Variants in EP300 observed in about 807,000 individuals in gnomAD.
The protein encoded by EP300 is histone acetyltransferase p300.
A neutral mutation model predicts 264.0 loss-of-function variants in EP300; 31 were observed. The ratio of observed to expected loss-of-function variants is 0.12; its 90% CI spans 0.09 to 0.16. The LOEUF is 0.16. EP300 is among the 10% of genes least tolerant of loss of function. The pLI, the probability that EP300 is intolerant of heterozygous loss-of-function variation, is 1.00. For missense variants in EP300, 2,766 were observed against 3,052.9 expected (o/e 0.91, Z 2.21); for synonymous variants, 1,340 against 1,045.4 (o/e 1.28, Z -5.44).
chr22:41,139,504 T>C (rs2058970046), intron 8 of EP300, among the ~76,000 whole-genome samples: 1 of 152,210 alleles, frequency 6.6e-6, no homozygotes, highest in Admixed American at 6.5e-5. Context: ...TTATATCTTC[T>C]TGATCTGGTT....
chr22:41,132,692 T>C (rs946657598), intron 6 of EP300, among the ~76,000 whole-genome samples: 4 of 152,160 alleles, frequency 2.6e-5, no homozygotes, highest in East Asian at 1.9e-4. Context: ...CTGAAACATA[T>C]AGAAATGAGT....
At chr22:41,105,179 A>G (rs1174674720) in intron 1 of EP300, among the ~76,000 whole-genome samples, 1 of 112,382 alleles carries the variant, frequency 8.9e-6, no homozygotes, top group Non-Finnish European at 1.8e-5. Context: ...CCTAGGTGAC[A>G]GAGCGAGACT....
intron 9 of EP300, among the ~76,000 whole-genome samples, chr22:41,140,484 T>C (rs2058976131): frequency 6.6e-6 from 1 of 152,142 alleles, no homozygotes; most frequent in South Asian, 2.1e-4. Flanking sequence ...CATGTGGCAC[T>C]TTATCTGGTT....
At chr22:41,169,684 A>C in intron 26 of EP300, 68 bp downstream of exon 26, 1 of 881,652 alleles carries the variant, frequency 1.1e-6, no homozygotes, top group Non-Finnish European at 1.9e-6. Flanking sequence ...TATAGGTTAA[A>C]TATGCAAATA....
chr22:41,133,199 G>A (rs946180220), intron 6 of EP300, among the ~76,000 whole-genome samples: 1 of 121,956 alleles, frequency 8.2e-6, no homozygotes, highest in Non-Finnish European at 1.6e-5. Context: ...CTGTGTCACC[G>A]AGGCTGGAGT....
chr22:41,122,240 A>G (rs770013277), intron 2 of EP300, among the ~76,000 whole-genome samples: 32 of 130,924 alleles, frequency 2.4e-4, no homozygotes, highest in Non-Finnish European at 4.3e-4. Flanking sequence ...ATCTTGGCTC[A>G]TTGCAACCTC....
intron 23 of EP300, among the ~76,000 whole-genome samples, chr22:41,167,584 G>GTGTGTATA (rs869093144): frequency 4.4e-4 from 15 of 34,466 alleles, no homozygotes; most frequent in Non-Finnish European, 6.7e-4. Context: ...GTGTGTGTGT[G>GTGTGTATA]TATATATATA....
At chr22:41,093,798 C>T (rs1236628004) in intron 1 of EP300, among the ~76,000 whole-genome samples, 1 of 152,154 alleles carries the variant, frequency 6.6e-6, no homozygotes, top group Non-Finnish European at 1.5e-5. Flanking sequence ...GGGGCATGTT[C>T]TTTGCAGTTT....
chr22:41,128,372 A>G (rs2145711207), intron 4 of EP300, among the ~76,000 whole-genome samples: 1 of 151,866 alleles, frequency 6.6e-6, no homozygotes, highest in African/African-American at 2.4e-5. Flanking sequence ...AGGTGGGAGG[A>G]TGGCTTGAGC....
rs1342106234 is a variant in EP300, at chr22:41,145,501, A to G, written c.2054-1238A>G. Among the ~76,000 whole-genome samples, 7 of 152,236 alleles carry G rather than the reference A, an allele frequency of 4.6e-5. No homozygotes were observed. The East Asian group carries it at 1.3e-3, about 29-fold the overall frequency. On this transcript the variant is annotated intron_variant, in intron 10 of 30. Coordinates refer to ENST00000263253, the MANE Select transcript of EP300 (RefSeq NM_001429.4). ...GGTATGGCCAGGGTGGAGCCAGGTC[A>G]CTACAGACATCTGTCCTTTCCGAGG...
intron 30 of EP300, 107 bp from the exon 31 acceptor site, chr22:41,176,666 A>T: frequency 6.2e-7 from 1 of 1,610,644 alleles, no homozygotes. Context: ...TGAAGAGGCT[A>T]GTTTTTGTTC....
Position 41,178,225 on chromosome 22 carries a change from CACA to C in EP300, c.6518_6520del (p.Asn2173del). 1 of 1,614,068 alleles carries C rather than the reference CACA, an allele frequency of 6.2e-7. No individual in the cohort carries two copies. Among genetic ancestry groups the C allele is most frequent in the Non-Finnish European group, 8.5e-7 (1 of 1,180,004 alleles). ...CCAGGCTCAGCAGATGAACATGAAC[CACA>C]ACACCATGCCTTCACAATTCCGAGA... On this transcript the variant is annotated inframe_deletion, in exon 31 of 31. Transcript: ENST00000263253.
chr22:41,127,622 G>T lies in EP300; in HGVS notation c.1042G>T (p.Ala348Ser), dbSNP rs1569096089. 3 of 1,614,076 alleles carry T rather than the reference G, an allele frequency of 1.9e-6. No homozygotes were observed. The highest frequency in any genetic ancestry group is 1.3e-5 in the African/African-American group (1 of 74,938). The change falls in exon 4 of 31, where the codon GCT (alanine) becomes TCT (serine). Residue 348 changes from alanine (A) to serine (S), a missense_variant. Ala to Ser is a moderately conservative substitution (Grantham distance 99, BLOSUM62 1). Coordinates refer to ENST00000263253, the MANE Select transcript of EP300 (RefSeq NM_001429.4). ...GCAGCAGCTTGTTCTCCTTTTGCAT[G>T]CTCACAAGTGCCAGCGCCGGGAACA... The part of the protein sequence containing the change: ...IQQQLVLLLH[A>S]HKCQRREQAN...
intron 8 of EP300, 26 bp from the exon 9 acceptor site, chr22:41,140,114 A>T: frequency 6.7e-7 from 1 of 1,484,640 alleles, no homozygotes; most frequent in Non-Finnish European, 9.4e-7. Context: ...ACATGATATT[A>T]CAGTGGTAGG....
chr22:41,178,488 C>T lies in EP300; in HGVS notation c.6777C>T (p.Ala2259=), dbSNP rs1234058174. The change falls in exon 31 of 31, where the codon GCC becomes GCT. Residue 2259 remains alanine (A), a synonymous_variant. Transcript: ENST00000263253. ...LGAEAGASLQ[A]YQQRLLQQQM... Reference sequence around the variant, plus strand: ...CAGAGGCAGGTGCCAGTCTACAGGCCTATCAGCAGCGACTCCTTCAGCAAC... The same window carrying T: ...CAGAGGCAGGTGCCAGTCTACAGGCTTATCAGCAGCGACTCCTTCAGCAAC... 2 of 1,613,970 alleles carry T rather than the reference C, an allele frequency of 1.2e-6. No homozygotes were observed. The highest frequency in any genetic ancestry group is 1.7e-5 in the Admixed American group (1 of 59,992).
At position 41,144,386 on chromosome 22, in the gene EP300, G is replaced by A. The variant is rs148868085; in HGVS notation, c.2054-2353G>A. Among the ~76,000 whole-genome samples, 4 of 152,124 alleles carry A rather than the reference G, an allele frequency of 2.6e-5. No homozygotes were observed. The East Asian group carries it at 7.7e-4, about 29-fold the overall frequency. On this transcript the variant is annotated intron_variant, in intron 10 of 30. Coordinates refer to ENST00000263253, the MANE Select transcript of EP300 (RefSeq NM_001429.4). ...TATATACATTTTTGAGATGGGGTCTGTTTCGCCCAGCCTGGAGTGCAGTGG... is the reference window on the plus strand; with the variant it reads ...TATATACATTTTTGAGATGGGGTCTATTTCGCCCAGCCTGGAGTGCAGTGG...
In EP300 at chr22:41,147,717, G is replaced by A. The variant is rs147996339; in HGVS notation, c.2132-120G>A. On this transcript the variant is annotated intron_variant, in intron 11 of 30. Coordinates refer to ENST00000263253, the MANE Select transcript of EP300 (RefSeq NM_001429.4). ...TGCGCCACTGCACTCCAGCCTGGGC[G>A]ACAGAGCAAGACTCCGTCTCAAAAA... 0.019 allele frequency: 14,413 copies of A among 741,108 alleles called. 1,019 individuals are homozygous for A. The highest frequency in any genetic ancestry group is 0.17 in the East Asian group (6,066 of 35,112). The allele number at this position is 741,108 out of a possible 1,614,324, so 45.9% of individuals were successfully genotyped here.
chr22:41,114,838 A>G (rs942605010), intron 1 of EP300, among the ~76,000 whole-genome samples: 3 of 150,532 alleles, frequency 2.0e-5, no homozygotes, highest in East Asian at 1.9e-4. Context: ...AAAAAAAACT[A>G]CAAGAAGAGG....
At chr22:41,137,323 G>T (rs1050345906) in intron 7 of EP300, among the ~76,000 whole-genome samples, 1 of 132,514 alleles carries the variant, frequency 7.5e-6, no homozygotes. Flanking sequence ...CACCACTACA[G>T]TCCAGCCTGG....
Sources: gnomAD v4.1 joint callset for allele counts (sites outside exome capture counted in the v4.1 genomes callset) on GRCh38, gnomAD v4.1.1 for gene constraint, MANE v1.5 for transcripts, NCBI Gene and HGNC (gene_info 2026-07-23, HGNC 2026-07-21) for gene names.